SDK2: variants seen among roughly 807,000 people sequenced by gnomAD.
The protein encoded by SDK2 is sidekick cell adhesion molecule 2.
In SDK2, 105 loss-of-function variants were observed where a neutral mutation model predicts 253.9. The ratio of observed to expected loss-of-function variants is 0.41; its 90% CI spans 0.35 to 0.49. The LOEUF is 0.49. Ranked by LOEUF, SDK2 falls within the 20% of genes least tolerant of loss-of-function variation. SDK2 has a pLI of 0.06. For missense variants in SDK2, 2,608 were observed against 3,003.0 expected (o/e 0.87, Z 3.07); for synonymous variants, 1,249 against 1,234.9 (o/e 1.01, Z -0.24).
chr17:73,599,224 G>C (rs1410950972), intron 1 of SDK2, among the ~76,000 whole-genome samples: 1 of 152,162 alleles, frequency 6.6e-6, no homozygotes, highest in Non-Finnish European at 1.5e-5. Flanking sequence ...TAGGTAGGAG[G>C]GAGTGAGAAA....
At chr17:73,522,227 G>C (rs531762816) in intron 1 of SDK2, among the ~76,000 whole-genome samples, 9 of 152,366 alleles carry the variant, frequency 5.9e-5, no homozygotes, top group Non-Finnish European at 2.9e-5. Flanking sequence ...GGAGCTCCAG[G>C]GTGGGCGGAT....
chr17:73,507,305 T>C (rs748930305), intron 2 of SDK2, 133 bp downstream of exon 2: 264 of 955,600 alleles, frequency 2.8e-4, no homozygotes, highest in Non-Finnish European at 3.8e-4. Flanking sequence ...CCTTTGCCAC[T>C]CACTTCCAGA....
intron 40 of SDK2, among the ~76,000 whole-genome samples, chr17:73,353,532 T>C (rs999625148): frequency 1.3e-5 from 2 of 152,108 alleles, no homozygotes; most frequent in Admixed American, 1.3e-4. Flanking sequence ...GCGATTCTCC[T>C]GCCTCAGCTT....
In SDK2 at chr17:73,383,414, G is replaced by A. The variant is rs2062847936; in HGVS notation, c.4705+462C>T. ...GAGGGGGCCAGGACTACTGCTCTAG[G>A]GGTGTGACCAGGTGAGGCTTCTGGT... On this transcript the variant is annotated intron_variant, in intron 33 of 44. Coordinates refer to ENST00000392650, the MANE Select transcript of SDK2 (RefSeq NM_001144952.2). This position sits in a 1 kb window ranked among gnomAD's most constrained non-coding sequence, Gnocchi z 4.3. 6.6e-6 allele frequency among the ~76,000 whole-genome samples: 1 copy of A among 152,212 alleles called. No homozygotes were observed. The highest frequency in any genetic ancestry group is 1.5e-5 in the Non-Finnish European group (1 of 68,046).
chr17:73,418,593 A>C (rs1383910988), intron 16 of SDK2, among the ~76,000 whole-genome samples: 2 of 152,214 alleles, frequency 1.3e-5, no homozygotes, highest in African/African-American at 4.8e-5. Flanking sequence ...TAGAATATCA[A>C]TGAGAGTTCT....
At chr17:73,429,111 T>TTTATAAAGATGACA (rs113509026) in intron 12 of SDK2, among the ~76,000 whole-genome samples, 8,193 of 152,282 alleles carry the variant, frequency 0.054, 702 homozygotes, top group African/African-American at 0.18. Flanking sequence ...GTAAGTCATC[T>TTTATAAAGATGACA]TTTTTATAAA....
chr17:73,381,092 T>G, intron 33 of SDK2, 142 bp from the exon 34 acceptor site: 1 of 635,114 alleles, frequency 1.6e-6, no homozygotes, highest in South Asian at 1.9e-5. Context: ...TGTTTCCAAA[T>G]TTCCAATGCT....
chr17:73,611,706 T>C (rs1400974380), intron 1 of SDK2, among the ~76,000 whole-genome samples: 1 of 151,966 alleles, frequency 6.6e-6, no homozygotes, highest in Non-Finnish European at 1.5e-5. Context: ...AGTGAGAGGG[T>C]CCCTTGCCCC....
At chr17:73,346,248 T>C (rs2062483571) in intron 44 of SDK2, among the ~76,000 whole-genome samples, 1 of 151,584 alleles carries the variant, frequency 6.6e-6, no homozygotes, top group African/African-American at 2.4e-5. Context: ...CATGATTTGC[T>C]CTGTGTATCT....
intron 1 of SDK2, chr17:73,520,746 G>GT (rs1289761630): frequency 1.3e-5 from 2 of 152,370 alleles, no homozygotes; most frequent in Non-Finnish European, 1.5e-5. Context: ...GAAGCTTCAG[G>GT]CAGGGCCTGG....
At position 73,398,021 on chromosome 17, in the gene SDK2, C is replaced by T. The variant is rs375099752; in HGVS notation, c.3354+14G>A. On this transcript the variant is annotated intron_variant, in intron 24 of 44. Coordinates refer to ENST00000392650, the MANE Select transcript of SDK2 (RefSeq NM_001144952.2). ...CATGGAGAGGTCCCACCCCTGCCCT[C>T]GAGGGAGCCTTACCATCCAGCGCAG... 100 of 1,608,086 alleles carry T rather than the reference C, an allele frequency of 6.2e-5. 1 individual carries two copies. In the East Asian group the frequency reaches 6.5e-4, roughly 10 times the overall value.
Position 73,618,888 on chromosome 17 carries a change from T to A in SDK2, c.64+25137A>T, listed in dbSNP as rs778345385. Among the ~76,000 whole-genome samples, 2 of 151,948 alleles carry A rather than the reference T, an allele frequency of 1.3e-5. No homozygotes were observed. Among genetic ancestry groups the A allele is most frequent in the African/African-American group, 2.4e-5 (1 of 41,374 alleles). ...ACACCAAAAAAGCAACTATTAGGGC[T>A]GGGTGTGGTGGCTCATGCCTGTAAT... On this transcript the variant is annotated intron_variant, in intron 1 of 44. Transcript: ENST00000392650. The surrounding 1 kb of genome is among the most constrained non-coding windows in gnomAD (Gnocchi z 4.1).
At chr17:73,482,455 G>A (rs1010525124) in intron 2 of SDK2, among the ~76,000 whole-genome samples, 4 of 152,182 alleles carry the variant, frequency 2.6e-5, no homozygotes, top group South Asian at 4.1e-4. Context: ...AGGGCCTGCT[G>A]GCCACCACTG....
intron 4 of SDK2, among the ~76,000 whole-genome samples, chr17:73,453,587 G>A (rs746748671): frequency 6.6e-6 from 1 of 152,126 alleles, no homozygotes; most frequent in Non-Finnish European, 1.5e-5. Flanking sequence ...AGGTTGGCCA[G>A]GCTGGTCTTG....
rs544203143 is a variant in SDK2 at position 73,618,180 on chromosome 17, T to G, written c.64+25845A>C. Among the ~76,000 whole-genome samples the G allele has an allele frequency of 2.9e-4, 44 of 152,200 alleles. No homozygotes were observed. Among genetic ancestry groups the G allele is most frequent in the Non-Finnish European group, 5.4e-4 (37 of 68,030 alleles). Reference sequence around the variant, plus strand: ...TGCAGGTAGGGAAATGGTAATTTGCTAACCCAAACCCATTCATTAGCCTGT... The same window carrying G: ...TGCAGGTAGGGAAATGGTAATTTGCGAACCCAAACCCATTCATTAGCCTGT... On this transcript the variant is annotated intron_variant, in intron 1 of 44. Coordinates refer to ENST00000392650, the MANE Select transcript of SDK2 (RefSeq NM_001144952.2). The surrounding 1 kb of genome is among the most constrained non-coding windows in gnomAD (Gnocchi z 4.1).
chr17:73,339,421 C>G (rs2062414298), intron 44 of SDK2, among the ~76,000 whole-genome samples: 1 of 151,848 alleles, frequency 6.6e-6, no homozygotes, highest in Admixed American at 6.6e-5. Context: ...GGGGTTTCAC[C>G]ATGTTAGCTA....
chr17:73,499,813 G>A (rs897480050), intron 2 of SDK2, among the ~76,000 whole-genome samples: 1 of 151,836 alleles, frequency 6.6e-6, no homozygotes, highest in Non-Finnish European at 1.5e-5. Context: ...GCACCCATGA[G>A]CCTCCATAAA....
rs373229878 is a variant in SDK2 at position 73,375,311 on chromosome 17, G to GGCTCA, written c.4980+3861_4980+3865dup. Among the ~76,000 whole-genome samples the GGCTCA allele has an allele frequency of 7.8e-3, 1,008 of 128,632 alleles. 14 individuals carry two copies. Among genetic ancestry groups the GGCTCA allele is most frequent in the African/African-American group, 0.028 (959 of 33,736 alleles). 84.4% of individuals were successfully genotyped at this position (128,632 alleles called of 152,430 possible). On this transcript the variant is annotated intron_variant, in intron 36 of 44. Coordinates refer to ENST00000392650, the MANE Select transcript of SDK2 (RefSeq NM_001144952.2). Reference sequence around the variant, plus strand: ...GGCTGGAGTGCAGTGGTGCAACAATGGCTCACTGCACCCTCACTCGGCCGG... The same window carrying GGCTCA: ...GGCTGGAGTGCAGTGGTGCAACAATGGCTCAGCTCACTGCACCCTCACTCGGCCGG...
intron 1 of SDK2, among the ~76,000 whole-genome samples, chr17:73,575,435 C>G (rs1441964071): frequency 1.3e-5 from 2 of 152,208 alleles, no homozygotes; most frequent in Non-Finnish European, 2.9e-5. Context: ...TTCCAGGCAT[C>G]ATGTGAGGCT....
Sources: allele counts gnomAD v4.1 joint callset (sites outside exome capture counted in the v4.1 genomes callset), GRCh38; gene constraint gnomAD v4.1.1; non-coding constraint Gnocchi (gnomAD v3.1); transcripts MANE v1.5; gene names NCBI Gene and HGNC (gene_info 2026-07-23, HGNC 2026-07-21).